Variants in EPS15 observed in about 807,000 individuals in gnomAD.
The protein encoded by EPS15 is epidermal growth factor receptor substrate 15.
In EPS15, 72 loss-of-function variants were observed where a neutral mutation model predicts 113.8. The ratio of observed to expected loss-of-function variants is 0.63; its 90% CI spans 0.52 to 0.77. The LOEUF is 0.77. Among genes scored for constraint, EPS15 ranks in the 30% least tolerant of loss-of-function variants. The pLI, the probability that EPS15 is intolerant of heterozygous loss-of-function variation, is 0.00. For synonymous variants in EPS15, 344 were observed against 363.4 expected, an observed-to-expected ratio of 0.95 and a Z score of 0.61; for missense variants, 1,048 against 1,045.8, an observed-to-expected ratio of 1.00 and a Z score of -0.03.
chr1:51,498,680 GTATT>G (rs2148547519), intron 1 of EPS15, among the ~76,000 whole-genome samples: 1 of 152,172 alleles, frequency 6.6e-6, no homozygotes, highest in African/African-American at 2.4e-5. Context: ...AGAAGCATCT[GTATT>G]TATTTCCAGA....
chr1:51,393,698 T>G (rs1647622899), intron 21 of EPS15, among the ~76,000 whole-genome samples: 1 of 152,214 alleles, frequency 6.6e-6, no homozygotes, highest in Non-Finnish European at 1.5e-5. Context: ...TCCCAAATGA[T>G]AGCTGGTCTG....
At chr1:51,454,049 CAAAAAA>C (rs376428827) in intron 8 of EPS15, among the ~76,000 whole-genome samples, 40 of 88,220 alleles carry the variant, frequency 4.5e-4, no homozygotes, top group South Asian at 9.8e-4. Context: ...GACTTTGTTT[CAAAAAA>C]AAAAAAAAAA....
chr1:51,451,472 CAG>C (rs1408339576), intron 8 of EPS15, among the ~76,000 whole-genome samples: 2 of 99,016 alleles, frequency 2.0e-5, no homozygotes, highest in South Asian at 3.0e-4. Context: ...GCCTGGGAAA[CAG>C]AGAGAGACTC....
intron 24 of EPS15, among the ~76,000 whole-genome samples, 167 bp downstream of exon 24, chr1:51,361,004 C>T (rs1646372127): frequency 6.6e-6 from 1 of 152,192 alleles, no homozygotes; most frequent in Admixed American, 6.5e-5. Context: ...AACCGTAGAA[C>T]TGTCAAAACA....
chr1:51,518,937 C>G (rs113583470), intron 1 of EPS15, among the ~76,000 whole-genome samples: 1 of 151,320 alleles, frequency 6.6e-6, no homozygotes, highest in Admixed American at 6.6e-5. Context: ...GGCAGCGGCG[C>G]GGAGGGCGGC....
chr1:51,510,698 T>G (rs1570457290), intron 1 of EPS15, among the ~76,000 whole-genome samples: 1 of 152,284 alleles, frequency 6.6e-6, no homozygotes, highest in East Asian at 1.9e-4. Flanking sequence ...CACATAAAAT[T>G]AAGTTCACAA....
At chr1:51,415,156 T>C (rs1488040845) in intron 13 of EPS15, among the ~76,000 whole-genome samples, 1 of 152,186 alleles carries the variant, frequency 6.6e-6, no homozygotes, top group African/African-American at 2.4e-5. Context: ...AACTGAACTA[T>C]TTTTCATAAA....
chr1:51,378,847 G>A (rs993793943), intron 21 of EPS15, among the ~76,000 whole-genome samples: 2 of 151,972 alleles, frequency 1.3e-5, no homozygotes, highest in Admixed American at 1.3e-4. Context: ...TAAGTTTGAG[G>A]GGAAAAAAAA....
intron 21 of EPS15, among the ~76,000 whole-genome samples, chr1:51,366,677 A>T (rs945445115): frequency 1.3e-5 from 2 of 152,238 alleles, no homozygotes; most frequent in African/African-American, 4.8e-5. Context: ...GCTAATAAAG[A>T]CATCAAGAAG....
At chr1:51,389,012 C>G (rs556927918) in intron 21 of EPS15, among the ~76,000 whole-genome samples, 1 of 152,058 alleles carries the variant, frequency 6.6e-6, no homozygotes, top group African/African-American at 2.4e-5. Flanking sequence ...AGAGATGCAA[C>G]CAAAAAAGAG....
intron 21 of EPS15, among the ~76,000 whole-genome samples, chr1:51,386,077 T>C (rs1263799418): frequency 6.6e-6 from 1 of 152,176 alleles, no homozygotes; most frequent in African/African-American, 2.4e-5. Context: ...AAACTACTTA[T>C]CATAACAAAA....
intron 1 of EPS15, among the ~76,000 whole-genome samples, chr1:51,515,406 GA>G (rs1644696649): frequency 6.6e-6 from 1 of 151,914 alleles, no homozygotes; most frequent in South Asian, 2.1e-4. Flanking sequence ...CCACAAGGTT[GA>G]GGATGCAGTG....
rs536287520 is a variant in EPS15, at chr1:51,460,277, G to A, written c.561+814C>T. On this transcript the variant is annotated intron_variant, in intron 8 of 24. Transcript: ENST00000371733. ...TTACCACTGATGAATTCACAGCAAA[G>A]TTTTATCAAACCTTTAAGGAAGAGG... 3.9e-5 allele frequency among the ~76,000 whole-genome samples: 6 copies of A among 152,290 alleles called. No individual in the cohort carries two copies. The South Asian group carries it at 1.2e-3, about 32-fold the overall frequency.
intron 24 of EPS15, among the ~76,000 whole-genome samples, 157 bp from the exon 25 acceptor site, chr1:51,357,003 A>G (rs1341142678): frequency 2.0e-5 from 3 of 152,138 alleles, no homozygotes; most frequent in African/African-American, 7.2e-5. Context: ...AACATGTTTA[A>G]TATTAACCAG....
At position 51,387,344 on chromosome 1, in the gene EPS15, A is replaced by G. The variant is rs543378205; in HGVS notation, c.2119+7037T>C. ...GCACTAAACATGGAAAGGAACAACCAGTACCAGCCACTGCAAAATCATGCC... is the reference window on the plus strand; with the variant it reads ...GCACTAAACATGGAAAGGAACAACCGGTACCAGCCACTGCAAAATCATGCC... On this transcript the variant is annotated intron_variant, in intron 21 of 24. Coordinates refer to ENST00000371733, the MANE Select transcript of EPS15 (RefSeq NM_001981.3). Among the ~76,000 whole-genome samples, 343 of 152,248 alleles carry G rather than the reference A, an allele frequency of 2.3e-3. 2 individuals carry two copies. Among genetic ancestry groups the G allele is most frequent in the African/African-American group, 7.9e-3 (328 of 41,516 alleles).
chr1:51,388,067 G>A (rs961551838), intron 21 of EPS15, among the ~76,000 whole-genome samples: 123 of 152,198 alleles, frequency 8.1e-4, no homozygotes, highest in Middle Eastern at 3.4e-3. Flanking sequence ...CATGTAGTTG[G>A]AAGTAAAGCT....
intron 1 of EPS15, among the ~76,000 whole-genome samples, chr1:51,493,853 GA>G (rs1644284755): frequency 6.6e-6 from 1 of 152,006 alleles, no homozygotes; most frequent in Non-Finnish European, 1.5e-5. Flanking sequence ...GACCTCAGGT[GA>G]TCCACCAGCC....
intron 1 of EPS15, among the ~76,000 whole-genome samples, chr1:51,501,182 C>G (rs1450870121): frequency 6.6e-6 from 1 of 151,550 alleles, no homozygotes; most frequent in Non-Finnish European, 1.5e-5. Flanking sequence ...CCGAGGCGGG[C>G]AGATCACCTG....
At chr1:51,474,001 AAAAC>A (rs1655424497) in intron 2 of EPS15, among the ~76,000 whole-genome samples, 2 of 152,220 alleles carry the variant, frequency 1.3e-5, no homozygotes, top group East Asian at 3.8e-4. Flanking sequence ...ATCAGCATAC[AAAAC>A]AAATATCCAT....
Sources: allele counts gnomAD v4.1 joint callset (sites outside exome capture counted in the v4.1 genomes callset), GRCh38; gene constraint gnomAD v4.1.1; transcripts MANE v1.5; gene names NCBI Gene and HGNC (gene_info 2026-07-23, HGNC 2026-07-21).